MLLT1: variants seen among roughly 807,000 people sequenced by gnomAD.
MLLT1 encodes the protein protein ENL.
A neutral mutation model predicts 55.1 loss-of-function variants in MLLT1; 11 were observed. That is an observed-to-expected ratio of 0.20 (90% CI 0.13 to 0.33). MLLT1 has a LOEUF of 0.33. MLLT1 is among the 10% of genes least tolerant of loss of function. MLLT1 has a pLI of 1.00. For synonymous variants in MLLT1, 323 were observed against 320.1 expected, an observed-to-expected ratio of 1.01 and a Z score of -0.10; for missense variants, 536 against 760.6, an observed-to-expected ratio of 0.70 and a Z score of 3.47.
At position 6,211,679 on chromosome 19, in the gene MLLT1, G is replaced by A. The variant is rs2090773526; in HGVS notation, c.*1363C>T. 5 of 1,064,652 alleles carry A rather than the reference G, an allele frequency of 4.7e-6. No homozygotes were observed. Among genetic ancestry groups the A allele is most frequent in the Non-Finnish European group, 5.7e-6 (5 of 878,842 alleles). The allele number at this position is 1,064,652 out of a possible 1,614,324, so 66.0% of individuals were successfully genotyped here. On this transcript the variant is annotated 3_prime_UTR_variant, in exon 12 of 12. Coordinates refer to ENST00000252674, the MANE Select transcript of MLLT1 (RefSeq NM_005934.4). The surrounding 1 kb of genome is among the most constrained non-coding windows in gnomAD (Gnocchi z 4.6). ...GACTTGAAAGTCAGGGGGTTGAGAG[G>A]ACTGGAGGCGCCTCGAGTCAATGTC... is the stretch of plus-strand genomic sequence containing the variant.
chr19:6,220,861 C>T (rs1362051845), intron 6 of MLLT1, among the ~76,000 whole-genome samples: 1 of 152,214 alleles, frequency 6.6e-6, no homozygotes, highest in Non-Finnish European at 1.5e-5. Flanking sequence ...GGGAGGGCTA[C>T]TGAGATGGGC....
At chr19:6,272,254 G>A (rs1040461289) in intron 1 of MLLT1, among the ~76,000 whole-genome samples, 1 of 152,166 alleles carries the variant, frequency 6.6e-6, no homozygotes, top group African/African-American at 2.4e-5. Flanking sequence ...GCGCACACGT[G>A]CACACACAGA....
chr19:6,216,189 A>G (rs2090841520), intron 8 of MLLT1, among the ~76,000 whole-genome samples: 2 of 152,030 alleles, frequency 1.3e-5, no homozygotes, highest in South Asian at 4.1e-4. Flanking sequence ...GCAGCCCTTG[A>G]GGCCCTCAGC....
At chr19:6,254,206 C>T (rs183348109) in intron 3 of MLLT1, among the ~76,000 whole-genome samples, 74 of 152,302 alleles carry the variant, frequency 4.9e-4, no homozygotes, top group East Asian at 4.2e-3. Context: ...CAATCATGCC[C>T]ACACAATGGA....
intron 6 of MLLT1, among the ~76,000 whole-genome samples, chr19:6,221,258 CCATT>C (rs1177828306): frequency 6.6e-6 from 1 of 152,200 alleles, no homozygotes; most frequent in Admixed American, 6.5e-5. Flanking sequence ...CCTCATCCAT[CCATT>C]CATTCATTTT....
At chr19:6,225,101 TG>T (rs2090942672) in intron 5 of MLLT1, among the ~76,000 whole-genome samples, 2 of 152,296 alleles carry the variant, frequency 1.3e-5, no homozygotes, top group East Asian at 3.9e-4. Flanking sequence ...TGACATTACA[TG>T]GGTGACACCT....
rs1191504286 is a variant in MLLT1, at chr19:6,270,029, C to T, written c.193+550G>A. On this transcript the variant is annotated intron_variant, in intron 2 of 11. Transcript: ENST00000252674. The surrounding 1 kb of genome is among the most constrained non-coding windows in gnomAD (Gnocchi z 7.1). ...GATCATAAACTGGGTGACTTCCTGC[C>T]TGTGCCCCGTCACACTGCACCCTCC... is the stretch of plus-strand genomic sequence containing the variant. 6.6e-6 allele frequency among the ~76,000 whole-genome samples: 1 copy of T among 152,164 alleles called. No homozygotes were observed. Among genetic ancestry groups the T allele is most frequent in the Non-Finnish European group, 1.5e-5 (1 of 68,038 alleles).
intron 3 of MLLT1, among the ~76,000 whole-genome samples, chr19:6,245,200 CT>C: frequency 6.7e-6 from 1 of 150,194 alleles, no homozygotes; most frequent in South Asian, 2.1e-4. Context: ...TAAATCTTTT[CT>C]TTTTTTCCTT....
chr19:6,232,400 G>T (rs2091020176), intron 3 of MLLT1, among the ~76,000 whole-genome samples: 3 of 152,290 alleles, frequency 2.0e-5, no homozygotes, highest in Non-Finnish European at 2.9e-5. Flanking sequence ...GGGGAGAATG[G>T]TGGTGGCCCT....
At chr19:6,272,020 C>T (rs1031631598) in intron 1 of MLLT1, among the ~76,000 whole-genome samples, 11 of 152,240 alleles carry the variant, frequency 7.2e-5, no homozygotes, top group African/African-American at 1.2e-4. Flanking sequence ...CCTCTCCGTC[C>T]CCCTCTGAGC....
At chr19:6,271,974 C>T (rs895728375) in intron 1 of MLLT1, among the ~76,000 whole-genome samples, 2 of 152,272 alleles carry the variant, frequency 1.3e-5, no homozygotes, top group Admixed American at 1.3e-4. Context: ...ACCCCGCCAC[C>T]TGGCTGAGTG....
intron 3 of MLLT1, among the ~76,000 whole-genome samples, chr19:6,233,299 C>T (rs1246235633): frequency 1.3e-5 from 2 of 152,198 alleles, no homozygotes; most frequent in Non-Finnish European, 2.9e-5. Flanking sequence ...CCCAAGTGCA[C>T]CTGCATGGGA....
chr19:6,222,428 G>A lies in MLLT1; in HGVS notation c.803C>T (p.Pro268Leu), dbSNP rs750151572. ...GGGTGGGGGTGGGGGCCCACCCTTG[G>A]GGGACGTGCTTTCCAGCTTGGTCTC... ...LKETKLESTS[P>L]KGGPPPPPPP... Residue 268 changes from proline to leucine, a missense_variant, in exon 6 of 12, where the codon CCC (proline) becomes CTC (leucine). Pro to Leu is a moderately conservative substitution (Grantham distance 98, BLOSUM62 -3). This residue lies in a region of MLLT1 where 449 missense variants were observed against 489.0 expected (regional missense o/e 0.92). Transcript: ENST00000252674. The surrounding 1 kb of genome is among the most constrained non-coding windows in gnomAD (Gnocchi z 4.1). The A allele has an allele frequency of 2.0e-6, 3 of 1,528,634 alleles. No homozygotes were observed. Among genetic ancestry groups the A allele is most frequent in the Non-Finnish European group, 8.8e-7 (1 of 1,141,072 alleles). The allele number at this position is 1,528,634 out of a possible 1,614,324, so 94.7% of individuals were successfully genotyped here. A position where few individuals can be genotyped will look rare whatever the true frequency, so the allele number is the denominator to read the frequency against.
rs1189140804 is a variant in MLLT1 at position 6,229,993 on chromosome 19, G to A, written c.420+577C>T. On this transcript the variant is annotated intron_variant, in intron 4 of 11. Coordinates refer to ENST00000252674, the MANE Select transcript of MLLT1 (RefSeq NM_005934.4). This position sits in a 1 kb window ranked among gnomAD's most constrained non-coding sequence, Gnocchi z 5.2. ...TCTGTGACCAGGCCTCAGCCTGCAC[G>A]TCCCTCCCTCCACGCCCCCCTCCTC... 6.6e-6 allele frequency among the ~76,000 whole-genome samples: 1 copy of A among 152,112 alleles called. No individual in the cohort carries two copies. Among genetic ancestry groups the A allele is most frequent in the East Asian group, 1.9e-4 (1 of 5,170 alleles).
chr19:6,227,218 C>T lies in MLLT1; in HGVS notation c.421-116G>A, dbSNP rs112734701. 24,138 of 1,123,672 alleles carry T rather than the reference C, an allele frequency of 0.021. 391 individuals carry two copies. Among genetic ancestry groups the T allele is most frequent in the Middle Eastern group, 0.048 (208 of 4,368 alleles). 69.6% of individuals were successfully genotyped at this position (1,123,672 alleles called of 1,614,324 possible). Reference sequence around the variant, plus strand: ...AGGAGGGGAGAAGGGAGAGCCTGAGCGCTTTCCCGAAAGAATCCCAGGTGC... The same window carrying T: ...AGGAGGGGAGAAGGGAGAGCCTGAGTGCTTTCCCGAAAGAATCCCAGGTGC... On this transcript the variant is annotated intron_variant, in intron 4 of 11. Transcript: ENST00000252674. The surrounding 1 kb of genome is among the most constrained non-coding windows in gnomAD (Gnocchi z 5.1).
intron 8 of MLLT1, among the ~76,000 whole-genome samples, 167 bp downstream of exon 8, chr19:6,216,238 C>A (rs1480659058): frequency 6.6e-6 from 1 of 152,174 alleles, no homozygotes; most frequent in Non-Finnish European, 1.5e-5. Flanking sequence ...CCAGGCCCAC[C>A]CCAAGGCCCA....
rs975052749 is a variant in MLLT1, at chr19:6,210,890, GACA to G, written c.*2149_*2151del. 164 of 230,722 alleles carry G rather than the reference GACA, an allele frequency of 7.1e-4. No individual in the cohort carries two copies. The highest frequency in any genetic ancestry group is 3.0e-3 in the African/African-American group (138 of 45,282). 14.3% of individuals were successfully genotyped at this position (230,722 alleles called of 1,614,324 possible). A position where few individuals can be genotyped will look rare whatever the true frequency, so the allele number is the denominator to read the frequency against. ...CCCTGGGCCCAGAGCAGCTCTGGAG[GACA>G]ACGTGAGGCCTTCCGGCCAGAGGAG... On this transcript the variant is annotated 3_prime_UTR_variant, in exon 12 of 12. Transcript: ENST00000252674. This position sits in a 1 kb window ranked among gnomAD's most constrained non-coding sequence, Gnocchi z 4.6.
chr19:6,271,969 G>A (rs1036597162), intron 1 of MLLT1, among the ~76,000 whole-genome samples: 2 of 152,176 alleles, frequency 1.3e-5, no homozygotes, highest in African/African-American at 4.8e-5. Context: ...TTCAGACCCC[G>A]CCACCTGGCT....
intron 1 of MLLT1, among the ~76,000 whole-genome samples, chr19:6,271,004 C>T (rs1236323151): frequency 6.6e-6 from 1 of 152,128 alleles, no homozygotes; most frequent in Non-Finnish European, 1.5e-5. Context: ...TCCTCAATTC[C>T]ACCCGCACAG....
Sources: gnomAD v4.1 joint callset for allele counts (sites outside exome capture counted in the v4.1 genomes callset) on GRCh38, gnomAD v4.1.1 for gene constraint, gnomAD v4.1.1 regional missense constraint, Gnocchi (gnomAD v3.1) non-coding constraint, MANE v1.5 for transcripts, NCBI Gene and HGNC (gene_info 2026-07-23, HGNC 2026-07-21) for gene names.